The following ERC2 variants were observed in gnomAD, a reference collection of about 807,000 sequenced individuals.
ERC2 encodes the protein ERC protein 2.
Under a neutral mutation model 114.8 loss-of-function variants are expected in ERC2, and 42 were observed. The ratio of observed to expected loss-of-function variants is 0.37; its 90% CI spans 0.29 to 0.47. The LOEUF is 0.47. ERC2 is among the 20% of genes least tolerant of loss of function. The pLI is 0.99. For missense variants in ERC2, 939 were observed against 1,150.7 expected, an observed-to-expected ratio of 0.82 and a Z score of 2.66; for synonymous variants, 454 against 425.5, an observed-to-expected ratio of 1.07 and a Z score of -0.82.
chr3:55,545,740 C>T (rs935744258), intron 17 of ERC2, among the ~76,000 whole-genome samples: 6 of 152,094 alleles, frequency 3.9e-5, no homozygotes, highest in African/African-American at 9.7e-5. Context: ...GAGAGGATGG[C>T]CAGCTGTGCT....
intron 2 of ERC2, among the ~76,000 whole-genome samples, chr3:56,303,121 T>C (rs2150373868): frequency 6.6e-6 from 1 of 152,346 alleles, no homozygotes; most frequent in East Asian, 1.9e-4. Flanking sequence ...CATTCTCCAC[T>C]GTCTGCCACT....
At chr3:55,760,360 T>C (rs2067345809) in intron 14 of ERC2, among the ~76,000 whole-genome samples, 1 of 152,080 alleles carries the variant, frequency 6.6e-6, no homozygotes, top group Non-Finnish European at 1.5e-5. Flanking sequence ...TTGAAGACCC[T>C]ACCTCCGTGA....
chr3:56,410,638 C>T (rs1408100725), intron 2 of ERC2, among the ~76,000 whole-genome samples: 1 of 151,990 alleles, frequency 6.6e-6, no homozygotes, highest in Non-Finnish European at 1.5e-5. Context: ...TTTTGTTTGT[C>T]TGTCTGCTTT....
At chr3:56,373,107 C>T (rs954143545) in intron 2 of ERC2, among the ~76,000 whole-genome samples, 19 of 152,184 alleles carry the variant, frequency 1.2e-4, no homozygotes, top group Admixed American at 4.6e-4. Context: ...AACTTTGCAT[C>T]AGCAATTGTC....
intron 3 of ERC2, among the ~76,000 whole-genome samples, chr3:56,262,382 C>T (rs1004239541): frequency 6.6e-6 from 1 of 152,152 alleles, no homozygotes; most frequent in Non-Finnish European, 1.5e-5. Flanking sequence ...TGAGGATCTG[C>T]TGAGCTTGGA....
At chr3:56,056,694 C>A (rs182548768) in intron 7 of ERC2, among the ~76,000 whole-genome samples, 5 of 152,236 alleles carry the variant, frequency 3.3e-5, no homozygotes, top group Non-Finnish European at 7.4e-5. Flanking sequence ...TGAGAATAGA[C>A]GAGATGATGT....
chr3:55,693,313 CT>C (rs1187998955), intron 16 of ERC2, among the ~76,000 whole-genome samples: 1 of 152,216 alleles, frequency 6.6e-6, no homozygotes, highest in Non-Finnish European at 1.5e-5. Flanking sequence ...AGCACCCTGG[CT>C]GATCTGACAG....
chr3:55,903,059 C>A (rs1238100905), intron 13 of ERC2, among the ~76,000 whole-genome samples: 1 of 152,226 alleles, frequency 6.6e-6, no homozygotes, highest in Non-Finnish European at 1.5e-5. Flanking sequence ...ACATGTGACA[C>A]TTTCACAACT....
intron 13 of ERC2, among the ~76,000 whole-genome samples, chr3:55,937,314 A>C (rs2149416052): frequency 6.6e-6 from 1 of 152,336 alleles, no homozygotes; most frequent in East Asian, 1.9e-4. Flanking sequence ...ACACTACTGC[A>C]CTCTAGCCTG....
At chr3:56,275,859 T>A (rs2150308480) in intron 3 of ERC2, among the ~76,000 whole-genome samples, 1 of 152,282 alleles carries the variant, frequency 6.6e-6, no homozygotes, top group South Asian at 2.1e-4. Flanking sequence ...TACTAACATC[T>A]GATAGATGGA....
intron 17 of ERC2, among the ~76,000 whole-genome samples, chr3:55,608,803 A>G (rs1305056575): frequency 1.3e-5 from 2 of 152,188 alleles, no homozygotes; most frequent in African/African-American, 2.4e-5. Context: ...AATTACCTCA[A>G]TCATTGACCT....
At chr3:56,272,194 T>C (rs2053698423) in intron 3 of ERC2, among the ~76,000 whole-genome samples, 1 of 152,186 alleles carries the variant, frequency 6.6e-6, no homozygotes, top group Admixed American at 6.5e-5. Context: ...GAGACCCTTC[T>C]TCGCAATTCA....
intron 1 of ERC2, among the ~76,000 whole-genome samples, chr3:56,447,327 TG>T (rs1373623726): frequency 1.3e-5 from 2 of 152,222 alleles, no homozygotes; most frequent in African/African-American, 4.8e-5. Context: ...TGTGATGGGC[TG>T]GTCGGACAGA....
intron 14 of ERC2, among the ~76,000 whole-genome samples, chr3:55,887,564 A>G (rs1199731629): frequency 6.6e-6 from 1 of 152,224 alleles, no homozygotes; most frequent in African/African-American, 2.4e-5. Flanking sequence ...ATTTAAAAAC[A>G]TAGAGACGCT....
At chr3:55,675,669 G>A (rs1222019569) in intron 17 of ERC2, among the ~76,000 whole-genome samples, 1 of 152,038 alleles carries the variant, frequency 6.6e-6, no homozygotes, top group African/African-American at 2.4e-5. Flanking sequence ...CCCCAAAGAG[G>A]CCTCTGAGAA....
rs554249511 is a variant in ERC2 at position 56,130,725 on chromosome 3, T to A, written c.1473+8784A>T. ...TGCTCCCTTCCATCACATTTCAATTTCTCCATCACAGGTCTTTCATGTTCT... is the reference window on the plus strand; with the variant it reads ...TGCTCCCTTCCATCACATTTCAATTACTCCATCACAGGTCTTTCATGTTCT... On this transcript the variant is annotated intron_variant, in intron 6 of 17. Coordinates refer to ENST00000288221, the MANE Select transcript of ERC2 (RefSeq NM_015576.3). Among the ~76,000 whole-genome samples the A allele has an allele frequency of 3.7e-3, 564 of 152,226 alleles. 3 individuals carry two copies. Among genetic ancestry groups the A allele is most frequent in the African/African-American group, 0.012 (509 of 41,530 alleles).
intron 17 of ERC2, among the ~76,000 whole-genome samples, chr3:55,559,399 G>A (rs2107469409): frequency 6.6e-6 from 1 of 152,374 alleles, no homozygotes; most frequent in East Asian, 1.9e-4. Flanking sequence ...CATAGCTCCA[G>A]GTGCCTGTAA....
intron 13 of ERC2, among the ~76,000 whole-genome samples, chr3:55,895,700 A>G (rs985982043): frequency 6.6e-6 from 1 of 152,158 alleles, no homozygotes; most frequent in African/African-American, 2.4e-5. Flanking sequence ...CACTCAATAA[A>G]TACCTATGCA....
chr3:55,667,443 C>A (rs183481128), intron 17 of ERC2, among the ~76,000 whole-genome samples: 2 of 152,206 alleles, frequency 1.3e-5, no homozygotes, highest in Non-Finnish European at 2.9e-5. Context: ...ATTATTTATA[C>A]TTAATTTCAC....
Sources: gnomAD v4.1 joint callset for allele counts (sites outside exome capture counted in the v4.1 genomes callset) on GRCh38, gnomAD v4.1.1 for gene constraint, MANE v1.5 for transcripts, NCBI Gene and HGNC (gene_info 2026-07-23, HGNC 2026-07-21) for gene names.